The following FAM20B variants were observed in gnomAD, a reference collection of about 807,000 sequenced individuals.
The protein encoded by FAM20B is glycosaminoglycan xylosylkinase.
FAM20B carries 23 observed loss-of-function variants against 43.8 expected under a neutral mutation model. That is an observed-to-expected ratio of 0.53 (90% CI 0.38 to 0.74). FAM20B has a LOEUF of 0.74. FAM20B is among the 30% of genes least tolerant of loss of function. The pLI, the probability that FAM20B is intolerant of heterozygous loss-of-function variation, is 0.00. For synonymous variants in FAM20B, 178 were observed against 192.4 expected (o/e 0.93, Z 0.62); for missense variants, 440 against 510.5 (o/e 0.86, Z 1.33).
chr1:179,072,557 C>CT lies in FAM20B; in HGVS notation c.*425dup, dbSNP rs11299711. 1.3e-3 allele frequency: 214 copies of CT among 161,688 alleles called. No individual in the cohort carries two copies. The highest frequency in any genetic ancestry group is 8.8e-3 in the East Asian group (51 of 5,812). 10.0% of individuals were successfully genotyped at this position (161,688 alleles called of 1,614,324 possible). ...TGGAAACACTTTGCAATCTCTTTGTCTTTTTTTTTTTTACCAGAACTAGTT... is the reference window on the plus strand; with the variant it reads ...TGGAAACACTTTGCAATCTCTTTGTCTTTTTTTTTTTTTACCAGAACTAGTT... On this transcript the variant is annotated 3_prime_UTR_variant, in exon 8 of 8. Coordinates refer to ENST00000263733, the MANE Select transcript of FAM20B (RefSeq NM_014864.4).
intron 4 of FAM20B, 65 bp downstream of exon 4, chr1:179,054,703 G>A: frequency 1.0e-6 from 1 of 979,214 alleles, no homozygotes; most frequent in East Asian, 2.5e-5. Flanking sequence ...GGGCATTGTT[G>A]AGCAAGCTGG....
chr1:179,024,262 G>T (rs1649667067), upstream of FAM20B, among the ~76,000 whole-genome samples: 1 of 152,186 alleles, frequency 6.6e-6, no homozygotes, highest in Admixed American at 6.5e-5. Context: ...CTTAAAGACA[G>T]AAGGGATCAT....
At chr1:179,054,279 C>A (rs778905328) in intron 3 of FAM20B, among the ~76,000 whole-genome samples, 1 of 151,984 alleles carries the variant, frequency 6.6e-6, no homozygotes, top group Non-Finnish European at 1.5e-5. Context: ...CATATACCCA[C>A]TCTGTAGATT....
chr1:179,049,907 A>G (rs1413743540), intron 2 of FAM20B, among the ~76,000 whole-genome samples: 1 of 152,202 alleles, frequency 6.6e-6, no homozygotes, highest in East Asian at 1.9e-4. Context: ...ATTTTAGTAG[A>G]CATTTATTAA....
chr1:179,056,787 G>A (rs1651236179), intron 4 of FAM20B, among the ~76,000 whole-genome samples: 1 of 152,040 alleles, frequency 6.6e-6, no homozygotes. Context: ...CTCATCCTTG[G>A]CAGCATTTGA....
intron 1 of FAM20B, chr1:179,035,530 G>A (rs934406206): frequency 7.6e-6 from 5 of 659,428 alleles, no homozygotes; most frequent in African/African-American, 5.4e-5. Flanking sequence ...ACTATATTTC[G>A]AATGATGAAT....
rs1212095087 is a variant in FAM20B, at chr1:179,073,995, T to G, written c.*1851T>G. 1 of 152,322 alleles carries G rather than the reference T, an allele frequency of 6.6e-6. No homozygotes were observed. Among genetic ancestry groups the G allele is most frequent in the African/African-American group, 2.4e-5 (1 of 41,440 alleles). 9.4% of individuals were successfully genotyped at this position (152,322 alleles called of 1,614,324 possible). ...AGTAGAGGCGAATATATAAACAGTG[T>G]GGTTGAATACATTTAATGCCAGCCA... On this transcript the variant is annotated 3_prime_UTR_variant, in exon 8 of 8. Coordinates refer to ENST00000263733, the MANE Select transcript of FAM20B (RefSeq NM_014864.4).
intron 1 of FAM20B, among the ~76,000 whole-genome samples, chr1:179,034,384 T>C (rs919846265): frequency 6.6e-6 from 1 of 151,016 alleles, no homozygotes; most frequent in East Asian, 1.9e-4. Flanking sequence ...CTCCACCTCT[T>C]TCTCTCTCTC....
chr1:179,056,463 A>G lies in FAM20B; in HGVS notation c.574+1825A>G, dbSNP rs527833072. ...AAGATTCCTCCATGTCTTTTCATGCATGGCTTGATTTATCATTTCTTGTTA... is the reference window on the plus strand; with the variant it reads ...AAGATTCCTCCATGTCTTTTCATGCGTGGCTTGATTTATCATTTCTTGTTA... On this transcript the variant is annotated intron_variant, in intron 4 of 7. Transcript: ENST00000263733. Among the ~76,000 whole-genome samples, 5 of 152,254 alleles carry G rather than the reference A, an allele frequency of 3.3e-5. No individual in the cohort carries two copies. In the East Asian group the frequency reaches 5.8e-4, roughly 18 times the overall value.
intron 4 of FAM20B, among the ~76,000 whole-genome samples, chr1:179,055,200 A>G (rs1160916800): frequency 2.0e-5 from 3 of 152,140 alleles, no homozygotes; most frequent in South Asian, 4.1e-4. Flanking sequence ...TCTGTTTTCC[A>G]TTATCTTAAC....
Position 179,043,711 on chromosome 1 carries a change from G to A in FAM20B, c.-133-4G>A. ...CAAATTTTGCTTTGTACTTGGGCTT[G>A]CAGGAACTGTGGAAGGTGCATCAGT... is the stretch of plus-strand genomic sequence containing the variant. On this transcript the variant is annotated splice_region_variant and splice_polypyrimidine_tract_variant and intron_variant, in intron 1 of 7. Transcript: ENST00000263733. The A allele has an allele frequency of 2.3e-6, 2 of 873,810 alleles. No individual in the cohort carries two copies. The highest frequency in any genetic ancestry group is 3.4e-6 in the Non-Finnish European group (2 of 580,254). The allele number at this position is 873,810 out of a possible 1,614,324, so 54.1% of individuals were successfully genotyped here.
Position 179,050,381 on chromosome 1 carries a change from G to C in FAM20B, c.464+16G>C. On this transcript the variant is annotated intron_variant, in intron 3 of 7. Transcript: ENST00000263733. Reference sequence around the variant, plus strand: ...ACTTGGACAGGTGCGTATGATCACAGCAGCTTATGTTCATTTTGTTTGCTT... The same window carrying C: ...ACTTGGACAGGTGCGTATGATCACACCAGCTTATGTTCATTTTGTTTGCTT... The C allele has an allele frequency of 6.3e-7, 1 of 1,595,482 alleles. No individual in the cohort carries two copies. The highest frequency in any genetic ancestry group is 2.2e-5 in the East Asian group (1 of 44,754).
chr1:179,026,972 C>A (rs566654038), intron 1 of FAM20B, among the ~76,000 whole-genome samples: 5 of 152,248 alleles, frequency 3.3e-5, no homozygotes, highest in African/African-American at 1.2e-4. Flanking sequence ...ATTATTAGTC[C>A]TTTTAAAGAC....
the FAM20B span, among the ~76,000 whole-genome samples, chr1:179,020,320 CTT>C: frequency 1.3e-5 from 2 of 152,186 alleles, no homozygotes; most frequent in Non-Finnish European, 2.9e-5. Flanking sequence ...CAGCCACAGG[CTT>C]CTGTATGTCT....
intron 1 of FAM20B, among the ~76,000 whole-genome samples, chr1:179,042,818 G>A (rs891582443): frequency 2.6e-5 from 4 of 152,158 alleles, no homozygotes; most frequent in South Asian, 2.1e-4. Context: ...CCTTGTGCAC[G>A]CAGGTTGTCC....
At chr1:179,042,349 C>T (rs55974004) in intron 1 of FAM20B, among the ~76,000 whole-genome samples, 21,475 of 152,208 alleles carry the variant, frequency 0.14, 1,766 homozygotes, top group East Asian at 0.3. Flanking sequence ...GCTGCCGGTT[C>T]TGTGTGAGTC....
In FAM20B at chr1:179,063,958, T is replaced by C. The variant is rs752169904; in HGVS notation, c.606T>C (p.Tyr202=). The change falls in exon 5 of 8, where the codon TAT becomes TAC. Residue 202 remains tyrosine (Y), a synonymous_variant. Coordinates refer to ENST00000263733, the MANE Select transcript of FAM20B (RefSeq NM_014864.4). The part of the protein sequence containing the change: ...GNNTCFYGKC[Y]YCRETEPACA... Reference sequence around the variant, plus strand: ...ATACTTGTTTTTATGGGAAGTGCTATTACTGCCGAGAAACAGAACCAGCTT... The same window carrying C: ...ATACTTGTTTTTATGGGAAGTGCTACTACTGCCGAGAAACAGAACCAGCTT... The C allele has an allele frequency of 6.2e-7, 1 of 1,612,702 alleles. No individual in the cohort carries two copies. Among genetic ancestry groups the C allele is most frequent in the East Asian group, 2.2e-5 (1 of 44,856 alleles).
chr1:179,022,242 G>A (rs886140636), upstream of FAM20B, among the ~76,000 whole-genome samples: 2 of 152,214 alleles, frequency 1.3e-5, no homozygotes, highest in African/African-American at 4.8e-5. Context: ...AGCTGAGGCA[G>A]GGCACATGCT....
At chr1:179,033,297 G>T (rs2102484118) in intron 1 of FAM20B, among the ~76,000 whole-genome samples, 1 of 152,286 alleles carries the variant, frequency 6.6e-6, no homozygotes. Flanking sequence ...TGATCCAGTT[G>T]AGAATCTATT....
Sources: allele counts gnomAD v4.1 joint callset (sites outside exome capture counted in the v4.1 genomes callset), GRCh38; gene constraint gnomAD v4.1.1; transcripts MANE v1.5; gene names NCBI Gene and HGNC (gene_info 2026-07-23, HGNC 2026-07-21).